TRIM6: variants seen among roughly 807,000 people sequenced by gnomAD.
TRIM6 encodes tripartite motif containing 6.
TRIM6 carries 43 observed loss-of-function variants against 51.2 expected under a neutral mutation model. That is an observed-to-expected ratio of 0.84 (90% CI 0.66 to 1.08). The LOEUF (loss-of-function observed/expected upper bound fraction) is 1.08, where lower values mean the gene tolerates loss of function less well. Ranked by LOEUF, TRIM6 falls within the 50% of genes least tolerant of loss-of-function variation. The probability of loss-of-function intolerance (pLI) is 0.00; values close to 1 mark genes in which losing one functional copy is unlikely to be tolerated. For missense variants in TRIM6, 669 were observed against 619.0 expected (o/e 1.08, Z -0.86); for synonymous variants, 215 against 232.4 (o/e 0.93, Z 0.68).
At chr11:5,600,816 A>G (rs982396101) in intron 1 of TRIM6, among the ~76,000 whole-genome samples, 1 of 152,180 alleles carries the variant, frequency 6.6e-6, no homozygotes, top group Non-Finnish European at 1.5e-5. Flanking sequence ...GCCTGGAACC[A>G]GGGCCAGAGC....
Position 5,610,938 on chromosome 11 carries a change from C to T in TRIM6, c.1147C>T (p.His383Tyr). 6.2e-7 allele frequency: 1 copy of T among 1,614,202 alleles called. No individual in the cohort carries two copies. Among genetic ancestry groups the T allele is most frequent in the Non-Finnish European group, 8.5e-7 (1 of 1,180,044 alleles). ...LGSQHFSSGK[H>Y]YWEVDVAKKT... is the part of the protein sequence containing the mutation. ...CTCCCAGCACTTCTCCTCTGGTAAG[C>T]ATTACTGGGAGGTAGATGTGGCCAA... is the stretch of plus-strand genomic sequence containing the variant. The change falls in exon 8 of 8, where the codon CAT (histidine) becomes TAT (tyrosine). Residue 383 changes from histidine to tyrosine, a missense_variant. By Grantham distance (83) the His-to-Tyr change is moderately conservative. Coordinates refer to ENST00000380097, the MANE Select transcript of TRIM6 (RefSeq NM_001003818.3).
chr11:5,596,463 T>A (rs1159999454), upstream of TRIM6, among the ~76,000 whole-genome samples: 1 of 149,230 alleles, frequency 6.7e-6, no homozygotes, highest in East Asian at 2.0e-4. Flanking sequence ...CTGCAAACCA[T>A]TTTGTCAGGC....
intron 3 of TRIM6, chr11:5,604,917 CT>C: frequency 6.9e-6 from 3 of 434,896 alleles, no homozygotes; most frequent in South Asian, 3.1e-5. Context: ...GTCTCTTTGG[CT>C]TTTCCCTTGC....
Position 5,603,248 on chromosome 11 carries a change from T to C in TRIM6, c.20T>C (p.Ile7Thr). The C allele has an allele frequency of 1.2e-6, 2 of 1,613,158 alleles. No individual in the cohort carries two copies. Among genetic ancestry groups the C allele is most frequent in the South Asian group, 2.2e-5 (2 of 91,008 alleles). MCGSER[I>T]LQAGNILEIR... ...TTTTTGTTTGTTCATCTACCTAGGA[T>C]TCTACAGGCAGGAAACATCTTAGAA... is the stretch of plus-strand genomic sequence containing the variant. The change falls in exon 2 of 8, where the codon ATT (isoleucine) becomes ACT (threonine). Residue 7 changes from isoleucine to threonine, a missense_variant and splice_region_variant. Physicochemically the swap from Ile to Thr is moderately conservative, Grantham distance 89 (BLOSUM62 -1). Coordinates refer to ENST00000380097, the MANE Select transcript of TRIM6 (RefSeq NM_001003818.3).
In TRIM6 at chr11:5,604,427, A is replaced by T. The variant is rs149336262; in HGVS notation, c.508-107A>T. On this transcript the variant is annotated intron_variant, in intron 2 of 7. Coordinates refer to ENST00000380097, the MANE Select transcript of TRIM6 (RefSeq NM_001003818.3). The stretch of plus-strand genomic sequence containing the variant: ...TCTCAAGTTTTCATCCTAGGTTAGG[A>T]CAGGCTTCTTTTGAGGTTAGCAGAA... The T allele has an allele frequency of 1.0e-3, 1,283 of 1,271,024 alleles. 14 individuals are homozygous for T. The East Asian group carries it at 0.021, about 20-fold the overall frequency. The allele number at this position is 1,271,024 out of a possible 1,614,324, so 78.7% of individuals were successfully genotyped here. A position where few individuals can be genotyped will look rare whatever the true frequency, so the allele number is the denominator to read the frequency against.
chr11:5,604,090 G>A (rs1564865450), intron 2 of TRIM6, among the ~76,000 whole-genome samples: 1 of 152,184 alleles, frequency 6.6e-6, no homozygotes, highest in East Asian at 1.9e-4. Flanking sequence ...CCGCCTCCCG[G>A]GTTCAAGCAG....
intron 4 of TRIM6, among the ~76,000 whole-genome samples, chr11:5,607,170 C>T (rs549912092): frequency 6.6e-6 from 1 of 152,024 alleles, no homozygotes; most frequent in African/African-American, 2.4e-5. Flanking sequence ...CACCACTGCA[C>T]TCCAGCCTGG....
intron 4 of TRIM6, among the ~76,000 whole-genome samples, chr11:5,606,130 T>C (rs1848191727): frequency 6.6e-6 from 1 of 152,230 alleles, no homozygotes; most frequent in Admixed American, 6.5e-5. Context: ...TTACCCAGCT[T>C]AGTCACAGGC....
intron 1 of TRIM6, among the ~76,000 whole-genome samples, chr11:5,598,068 G>T (rs1847583339): frequency 6.6e-6 from 1 of 152,260 alleles, no homozygotes; most frequent in Admixed American, 6.5e-5. Context: ...TTGTGAATTT[G>T]GGCTCTTTCT....
intron 1 of TRIM6, among the ~76,000 whole-genome samples, chr11:5,599,421 T>TTTATTTA (rs1847690193): frequency 5.2e-5 from 4 of 77,014 alleles, no homozygotes; most frequent in Admixed American, 1.3e-4. Flanking sequence ...TTATTTATTT[T>TTTATTTA]GAGACGGAGT....
Position 5,605,379 on chromosome 11 carries a change from A to C in TRIM6, c.646A>C (p.Asn216His). ...GAGATGCAGGATCCAGACAGAGTTT[A>C]ATCAGCTGCGAAATATCCTAGACAG... The part of the protein sequence containing the change: ...PERCRIQTEF[N>H]QLRNILDRVE... The change falls in exon 4 of 8, where the codon AAT (asparagine) becomes CAT (histidine). Residue 216 changes from asparagine (N) to histidine (H), a missense_variant. Physicochemically the swap from Asn to His is moderately conservative, Grantham distance 68. Coordinates refer to ENST00000380097, the MANE Select transcript of TRIM6 (RefSeq NM_001003818.3). 1.2e-6 allele frequency: 2 copies of C among 1,614,142 alleles called. No homozygotes were observed. Among genetic ancestry groups the C allele is most frequent in the Non-Finnish European group, 1.7e-6 (2 of 1,180,024 alleles).
intron 1 of TRIM6, among the ~76,000 whole-genome samples, chr11:5,601,645 C>G (rs895275828): frequency 4.6e-5 from 7 of 152,128 alleles, no homozygotes; most frequent in Non-Finnish European, 1.5e-5. Flanking sequence ...GTAATCCCAG[C>G]TACTCAGGAG....
chr11:5,605,488 T>C lies in TRIM6; in HGVS notation c.755T>C (p.Val252Ala). 2.5e-6 allele frequency: 4 copies of C among 1,614,160 alleles called. No homozygotes were observed. Among genetic ancestry groups the C allele is most frequent in the Non-Finnish European group, 3.4e-6 (4 of 1,180,036 alleles). The part of the protein sequence containing the change: ...RIIEEAENDL[V>A]HQTQSLRELI... The stretch of plus-strand genomic sequence containing the variant: ...ATAGAAGAGGCTGAGAATGATCTGG[T>C]CCACCAGACCCAGTCGCTGCGAGAG... Residue 252 changes from valine to alanine, a missense_variant, in exon 4 of 8, where the codon GTC (valine) becomes GCC (alanine). By Grantham distance (64) the Val-to-Ala change is moderately conservative (BLOSUM62 0). Coordinates refer to ENST00000380097, the MANE Select transcript of TRIM6 (RefSeq NM_001003818.3).
intron 1 of TRIM6, among the ~76,000 whole-genome samples, chr11:5,600,483 C>G (rs963987248): frequency 6.6e-6 from 1 of 152,152 alleles, no homozygotes; most frequent in East Asian, 1.9e-4. Flanking sequence ...GTTTTCGGCT[C>G]GCTAGATCCC....
intron 5 of TRIM6, among the ~76,000 whole-genome samples, chr11:5,609,206 A>G (rs1170212660): frequency 6.6e-6 from 1 of 152,126 alleles, no homozygotes; most frequent in African/African-American, 2.4e-5. Context: ...TGGTTCCTCC[A>G]TGCTCCTCAC....
At chr11:5,604,870 C>A in intron 3 of TRIM6, 1 of 475,648 alleles carries the variant, frequency 2.1e-6, no homozygotes, top group Non-Finnish European at 3.7e-6. Flanking sequence ...TAGGGGTCGC[C>A]CCAATTCATA....
intron 4 of TRIM6, 111 bp downstream of exon 4, chr11:5,605,678 C>A (rs2133844636): frequency 1.5e-6 from 2 of 1,316,120 alleles, no homozygotes; most frequent in African/African-American, 1.5e-5. Context: ...AGAAAACATT[C>A]CTTTGGCGCT....
At chr11:5,603,146 C>A in intron 1 of TRIM6, 100 bp from the exon 2 acceptor site, 1 of 1,511,844 alleles carries the variant, frequency 6.6e-7, no homozygotes, top group East Asian at 2.3e-5. Context: ...CCTTGTTACC[C>A]CAGGTGTCTG....
chr11:5,605,126 A>T (rs557403254), intron 3 of TRIM6: 1 of 636,104 alleles, frequency 1.6e-6, no homozygotes, highest in African/African-American at 1.8e-5. Context: ...GGCCTAGATA[A>T]AGCAGCCCGG....
Sources: allele counts gnomAD v4.1 joint callset (sites outside exome capture counted in the v4.1 genomes callset), GRCh38; gene constraint gnomAD v4.1.1; transcripts MANE v1.5; gene names NCBI Gene and HGNC (gene_info 2026-07-23, HGNC 2026-07-21).